MYBL2: variants seen among roughly 807,000 people sequenced by gnomAD.
The protein encoded by MYBL2 is myb-related protein B.
In MYBL2, 28 loss-of-function variants were observed where a neutral mutation model predicts 79.9. That is an observed-to-expected ratio of 0.35 (90% confidence interval 0.26 to 0.48). The LOEUF (loss-of-function observed/expected upper bound fraction) is 0.48, where lower values mean the gene tolerates loss of function less well. Among genes scored for constraint, MYBL2 ranks in the 20% least tolerant of loss-of-function variants. The pLI is 0.99. For synonymous variants in MYBL2, 378 were observed against 361.2 expected, an observed-to-expected ratio of 1.05 and a Z score of -0.53; for missense variants, 735 against 893.9, an observed-to-expected ratio of 0.82 and a Z score of 2.27.
chr20:43,676,585 GTT>G (rs1342177577), intron 2 of MYBL2, among the ~76,000 whole-genome samples: 7 of 152,214 alleles, frequency 4.6e-5, no homozygotes, highest in African/African-American at 1.7e-4. Context: ...TGTTTGGACT[GTT>G]TGCAGTTTTT....
intron 2 of MYBL2, among the ~76,000 whole-genome samples, chr20:43,678,327 GAAAGA>G (rs761578346): frequency 4.5e-4 from 8 of 17,812 alleles, no homozygotes; most frequent in South Asian, 2.5e-3. Flanking sequence ...AAGAAAGAAA[GAAAGA>G]AAAAAAAAAA....
At chr20:43,678,012 C>T (rs937058577) in intron 2 of MYBL2, among the ~76,000 whole-genome samples, 41 of 152,260 alleles carry the variant, frequency 2.7e-4, no homozygotes, top group Non-Finnish European at 4.3e-4. Flanking sequence ...TACCCCCAAC[C>T]CTGTGCTCTC....
Position 43,714,551 on chromosome 20 carries a change from C to T in MYBL2, c.1825-583C>T, listed in dbSNP as rs529379344. On this transcript the variant is annotated intron_variant, in intron 12 of 13. Transcript: ENST00000217026. ...CACACCACTGAATCAGGCTCTGAAACGCACACACGTTTCTTTACTTGATTA... is the reference window on the plus strand; with the variant it reads ...CACACCACTGAATCAGGCTCTGAAATGCACACACGTTTCTTTACTTGATTA... 6.6e-5 allele frequency among the ~76,000 whole-genome samples: 10 copies of T among 152,252 alleles called. No homozygotes were observed. In the South Asian group the frequency reaches 8.3e-4, roughly 13 times the overall value.
rs11470203 is a variant in MYBL2, at chr20:43,678,331, GAAAAAAAA to G, written c.115-3445_115-3438del. Among the ~76,000 whole-genome samples the G allele has an allele frequency of 1.3e-3, 179 of 142,980 alleles. 1 individual carries two copies. The highest frequency in any genetic ancestry group is 4.5e-3 in the African/African-American group (168 of 37,596). The allele number at this position is 142,980 out of a possible 152,430, so 93.8% of individuals were successfully genotyped here. A position where few individuals can be genotyped will look rare whatever the true frequency, so the allele number is the denominator to read the frequency against. On this transcript the variant is annotated intron_variant, in intron 2 of 13. Transcript: ENST00000217026. ...ATAAATAAAGAAAGAAAGAAAGAAAGAAAAAAAAAAAAAAAGAAAGGATACACTGGGGC... is the reference window on the plus strand; with the variant it reads ...ATAAATAAAGAAAGAAAGAAAGAAAGAAAAAAAGAAAGGATACACTGGGGC...
chr20:43,671,463 ATTTTTTTTTTTTT>A (rs376522569), intron 1 of MYBL2, among the ~76,000 whole-genome samples: 37 of 70,866 alleles, frequency 5.2e-4, no homozygotes, highest in African/African-American at 2.0e-3. Context: ...GCTGATTTCC[ATTTTTTTTTTTTT>A]TTTTTTTTTT....
At chr20:43,680,612 A>C (rs1182387423) in intron 2 of MYBL2, among the ~76,000 whole-genome samples, 1 of 151,736 alleles carries the variant, frequency 6.6e-6, no homozygotes, top group East Asian at 1.9e-4. Context: ...ATTCTTCCTC[A>C]TCCTCCCGAG....
chr20:43,687,679 A>G (rs1013449592), intron 5 of MYBL2, among the ~76,000 whole-genome samples: 2 of 152,076 alleles, frequency 1.3e-5, no homozygotes, highest in African/African-American at 4.8e-5. Flanking sequence ...CCCACTCCCC[A>G]TATGTCCCTA....
At chr20:43,707,151 CCTAGGTGACA>C (rs984985332) in intron 9 of MYBL2, among the ~76,000 whole-genome samples, 19 of 150,250 alleles carry the variant, frequency 1.3e-4, no homozygotes, top group African/African-American at 4.6e-4. Context: ...TGCACTCCAG[CCTAGGTGACA>C]AAGCGTGACT....
In MYBL2 at chr20:43,716,199, A is replaced by C; in HGVS notation, c.*112A>C. On this transcript the variant is annotated 3_prime_UTR_variant, in exon 14 of 14. Coordinates refer to ENST00000217026, the MANE Select transcript of MYBL2 (RefSeq NM_002466.4). ...GACCTCCTGCAGGGAGCCTTCTGCC[A>C]CCAGCCCCTCCCCAGACTCTCAGGT... 2.0e-6 allele frequency: 3 copies of C among 1,519,582 alleles called. No individual in the cohort carries two copies. Among genetic ancestry groups the C allele is most frequent in the East Asian group, 2.4e-5 (1 of 42,436 alleles). The allele number at this position is 1,519,582 out of a possible 1,614,324, so 94.1% of individuals were successfully genotyped here.
intron 1 of MYBL2, among the ~76,000 whole-genome samples, chr20:43,670,874 G>A (rs903859326): frequency 4.6e-5 from 7 of 152,100 alleles, no homozygotes; most frequent in African/African-American, 1.7e-4. Context: ...AACGTGACCT[G>A]ATGCAGGTCC....
chr20:43,681,489 C>T (rs1309721738), intron 2 of MYBL2, among the ~76,000 whole-genome samples: 5 of 152,140 alleles, frequency 3.3e-5, no homozygotes, highest in Non-Finnish European at 7.3e-5. Context: ...TGGAACCTGT[C>T]CCTTAGTGTC....
At chr20:43,701,299 A>G (rs1046302983) in intron 7 of MYBL2, among the ~76,000 whole-genome samples, 1 of 152,194 alleles carries the variant, frequency 6.6e-6, no homozygotes, top group Non-Finnish European at 1.5e-5. Flanking sequence ...TCTACCAGAC[A>G]CTGTCGGTGC....
chr20:43,713,730 G>T (rs911175085), intron 12 of MYBL2, among the ~76,000 whole-genome samples: 5 of 152,202 alleles, frequency 3.3e-5, no homozygotes, highest in Non-Finnish European at 5.9e-5. Context: ...GGGCACATTA[G>T]TCCTGGGATG....
chr20:43,683,383 C>T (rs73276025), intron 4 of MYBL2, among the ~76,000 whole-genome samples: 2 of 152,004 alleles, frequency 1.3e-5, no homozygotes, highest in African/African-American at 2.4e-5. Flanking sequence ...GAGCAAGGCT[C>T]AGAGAGGTTG....
intron 3 of MYBL2, 87 bp from the exon 4 acceptor site, chr20:43,682,707 G>A (rs1294385377): frequency 3.2e-6 from 4 of 1,244,844 alleles, no homozygotes; most frequent in Non-Finnish European, 4.7e-6. Flanking sequence ...CAGGCCATAG[G>A]CCCCTGAGCC....
rs74586842 is a variant in MYBL2, at chr20:43,683,479, C to A, written c.279+593C>A. Among the ~76,000 whole-genome samples the A allele has an allele frequency of 3.2e-3, 490 of 152,050 alleles. 1 individual carries two copies. The highest frequency in any genetic ancestry group is 0.012 in the East Asian group (63 of 5,176). On this transcript the variant is annotated intron_variant, in intron 4 of 13. Transcript: ENST00000217026. ...GTTCCCTCATCTCTTCTCCTCGATACCAGCCCAGAGGATGCCATTCCACTG... is the reference window on the plus strand; with the variant it reads ...GTTCCCTCATCTCTTCTCCTCGATAACAGCCCAGAGGATGCCATTCCACTG...
rs777567786 is a variant in MYBL2 at position 43,715,118 on chromosome 20, T to C, written c.1825-16T>C. 1 of 1,613,704 alleles carries C rather than the reference T, an allele frequency of 6.2e-7. No homozygotes were observed. The highest frequency in any genetic ancestry group is 2.2e-5 in the East Asian group (1 of 44,874). ...TCTCGCAAAATGGTGACTCCTTGAC[T>C]TGGTTTTGGTTTCAGCCGACAACTG... On this transcript the variant is annotated splice_polypyrimidine_tract_variant and intron_variant, in intron 12 of 13. Coordinates refer to ENST00000217026, the MANE Select transcript of MYBL2 (RefSeq NM_002466.4).
intron 4 of MYBL2, among the ~76,000 whole-genome samples, chr20:43,684,434 A>G (rs368351456): frequency 1.9e-4 from 28 of 150,468 alleles, no homozygotes; most frequent in African/African-American, 6.4e-4. Flanking sequence ...ACAGGGTTTC[A>G]CCATGTTGGC....
chr20:43,715,948 C>A lies in MYBL2; in HGVS notation c.1975-11C>A. 3.1e-6 allele frequency: 5 copies of A among 1,606,686 alleles called. No individual in the cohort carries two copies. The Middle Eastern group carries it at 8.3e-4, about 267-fold the overall frequency. ...CCCTGCCTGGATGGTAACCCTCTTG[C>A]CTCCTCCCAGATGTCCAGTGCCTGG... On this transcript the variant is annotated splice_polypyrimidine_tract_variant and intron_variant, in intron 13 of 13. Transcript: ENST00000217026.
Sources: gnomAD v4.1 joint callset for allele counts (sites outside exome capture counted in the v4.1 genomes callset) on GRCh38, gnomAD v4.1.1 for gene constraint, MANE v1.5 for transcripts, NCBI Gene and HGNC (gene_info 2026-07-23, HGNC 2026-07-21) for gene names.